CSGALNACT1: variants seen among roughly 807,000 people sequenced by gnomAD.
The protein encoded by CSGALNACT1 is chondroitin sulfate N-acetylgalactosaminyltransferase 1.
CSGALNACT1 carries 52 observed loss-of-function variants against 51.0 expected under a neutral mutation model. The ratio of observed to expected loss-of-function variants is 1.02; its 90% CI spans 0.82 to 1.29. The LOEUF (loss-of-function observed/expected upper bound fraction) is 1.29. Among genes scored for constraint, CSGALNACT1 ranks in the 50% most tolerant of loss-of-function variants. The pLI is 0.00. For synonymous variants in CSGALNACT1, 341 were observed against 254.4 expected, an observed-to-expected ratio of 1.34 and a Z score of -3.24; for missense variants, 935 against 679.2, an observed-to-expected ratio of 1.38 and a Z score of -4.19.
intron 2 of CSGALNACT1, 57 bp downstream of exon 2, chr8:19,601,714 T>G: frequency 2.4e-6 from 1 of 412,014 alleles, no homozygotes; most frequent in Non-Finnish European, 4.8e-6. Context: ...ATCCAGAATA[T>G]TGAACACAAA....
chr8:19,532,846 A>AC (rs1334728557), intron 3 of CSGALNACT1, among the ~76,000 whole-genome samples: 1 of 152,090 alleles, frequency 6.6e-6, no homozygotes, highest in Non-Finnish European at 1.5e-5. Context: ...GTTTACACAT[A>AC]CCCCACTTCT....
At chr8:19,428,855 GTGTGTGTGTGTGTGTGTGTGTATGCATGC>G (rs1328574725) in intron 6 of CSGALNACT1, among the ~76,000 whole-genome samples, 62 of 151,392 alleles carry the variant, frequency 4.1e-4, no homozygotes, top group African/African-American at 1.5e-3. Context: ...GTGTGTGTGT[GTGTGTGTGTGTGTGTGTGTGTATGCATGC>G]TGTGTATTTA....
chr8:19,742,548 CACG>C lies in CSGALNACT1; in HGVS notation c.-297+15299_-297+15301del, dbSNP rs1380174110. Among the ~76,000 whole-genome samples the C allele has an allele frequency of 7.9e-5, 12 of 152,354 alleles. 1 individual carries two copies. Among genetic ancestry groups the C allele is most frequent in the Admixed American group, 3.3e-4 (5 of 15,300 alleles). On this transcript the variant is annotated intron_variant, in intron 1 of 1. Coordinates refer to the CSGALNACT1 transcript ENST00000517494. ...GCCCAGCTGCAGCCAATGCATCCCC[CACG>C]ACAGCTGTTTGCTGCCCTCTCTGAC...
intron 3 of CSGALNACT1, among the ~76,000 whole-genome samples, chr8:19,561,828 G>A (rs2040792214): frequency 6.6e-6 from 1 of 152,198 alleles, no homozygotes; most frequent in Non-Finnish European, 1.5e-5. Context: ...ACAGGGAGAA[G>A]AGGAGAAGTC....
In CSGALNACT1 at chr8:19,733,885, C is replaced by A. The variant is rs142338287; in HGVS notation, c.-297+23965G>T. Among the ~76,000 whole-genome samples the A allele has an allele frequency of 3.0e-4, 46 of 152,178 alleles. No homozygotes were observed. The East Asian group carries it at 6.0e-3, about 20-fold the overall frequency. On this transcript the variant is annotated intron_variant, in intron 1 of 1. Transcript: ENST00000517494. ...TCCCTGAATACTGAAAAGGAAGGAA[C>A]AGCTTATCTCCAGCTTAGAATTCAT...
chr8:19,754,245 C>G (rs946335439), intron 1 of CSGALNACT1, among the ~76,000 whole-genome samples: 10 of 152,144 alleles, frequency 6.6e-5, no homozygotes, highest in Non-Finnish European at 1.3e-4. Context: ...CCAGGCTGGT[C>G]TCAAACTCCT....
At chr8:19,509,319 A>T (rs2077994809) in intron 3 of CSGALNACT1, among the ~76,000 whole-genome samples, 1 of 152,104 alleles carries the variant, frequency 6.6e-6, no homozygotes, top group African/African-American at 2.4e-5. Flanking sequence ...ACAAAACATC[A>T]TTCTTAAAAG....
intron 5 of CSGALNACT1, among the ~76,000 whole-genome samples, chr8:19,442,695 T>C (rs1586116456): frequency 7.0e-6 from 1 of 143,650 alleles, no homozygotes; most frequent in South Asian, 2.4e-4. Context: ...ATTGTGCACA[T>C]GTACCCTAAA....
In CSGALNACT1 at chr8:19,490,592, C is replaced by A. The variant is rs192641139; in HGVS notation, c.634+14609G>T. Among the ~76,000 whole-genome samples, 7 of 152,314 alleles carry A rather than the reference C, an allele frequency of 4.6e-5. No homozygotes were observed. The East Asian group carries it at 1.4e-3, about 29-fold the overall frequency. ...GAAACCACCTTTTCTGCAGAGCCAA[C>A]TGATAAATCCACACCAGCTTAGTGC... On this transcript the variant is annotated intron_variant, in intron 4 of 9. Coordinates refer to ENST00000454498, the Ensembl canonical transcript of CSGALNACT1.
chr8:19,623,467 T>C (rs2054079124), intron 1 of CSGALNACT1, among the ~76,000 whole-genome samples: 1 of 152,218 alleles, frequency 6.6e-6, no homozygotes, highest in Non-Finnish European at 1.5e-5. Context: ...AAATATCCTG[T>C]CACATTTTTT....
chr8:19,534,453 G>C (rs1744834183), intron 3 of CSGALNACT1, among the ~76,000 whole-genome samples: 2 of 149,396 alleles, frequency 1.3e-5, no homozygotes, highest in African/African-American at 4.9e-5. Flanking sequence ...TCCATCTCAA[G>C]AAAAAAAAAA....
Position 19,549,477 on chromosome 8 carries a change from G to C in CSGALNACT1, c.-297+41683C>G, listed in dbSNP as rs139327625. On this transcript the variant is annotated intron_variant, in intron 3 of 9. Transcript: ENST00000454498. ...AGAAAACTGATAGATAAACAATTAG[G>C]TACTTTTTCCAATTTCTTTTGTTTT... Among the ~76,000 whole-genome samples, 1,001 of 151,978 alleles carry C rather than the reference G, an allele frequency of 6.6e-3. 13 individuals are homozygous for C. The highest frequency in any genetic ancestry group is 0.023 in the African/African-American group (952 of 41,456).
chr8:19,620,292 G>A (rs530079975), intron 1 of CSGALNACT1, among the ~76,000 whole-genome samples: 1 of 137,644 alleles, frequency 7.3e-6, no homozygotes, highest in African/African-American at 2.8e-5. Flanking sequence ...TCCAGCCTGG[G>A]CAACAGAGTG....
At chr8:19,437,609 A>C (rs962759841) in intron 6 of CSGALNACT1, among the ~76,000 whole-genome samples, 2 of 152,224 alleles carry the variant, frequency 1.3e-5, no homozygotes, top group Non-Finnish European at 2.9e-5. Flanking sequence ...ATCAACACCA[A>C]AAAATTATTT....
At chr8:19,414,083 G>A (rs1054027237) in intron 8 of CSGALNACT1, among the ~76,000 whole-genome samples, 3 of 152,142 alleles carry the variant, frequency 2.0e-5, no homozygotes, top group Non-Finnish European at 4.4e-5. Flanking sequence ...ACGTCATGCT[G>A]GTAGCCTGAA....
At chr8:19,722,707 C>T (rs1055042306) in intron 1 of CSGALNACT1, among the ~76,000 whole-genome samples, 5 of 152,214 alleles carry the variant, frequency 3.3e-5, no homozygotes, top group African/African-American at 2.4e-5. Context: ...TGCACTCTCA[C>T]CGAGGGCAGG....
At chr8:19,630,098 G>A (rs573906724) in intron 1 of CSGALNACT1, among the ~76,000 whole-genome samples, 21 of 152,012 alleles carry the variant, frequency 1.4e-4, no homozygotes, top group African/African-American at 3.4e-4. Flanking sequence ...AGGCCAACAC[G>A]GGCCGAATGA....
At chr8:19,650,440 C>A (rs1176592845) in intron 1 of CSGALNACT1, among the ~76,000 whole-genome samples, 1 of 152,184 alleles carries the variant, frequency 6.6e-6, no homozygotes, top group East Asian at 1.9e-4. Context: ...AATGAGAGAA[C>A]ACCTAGTAAT....
At chr8:19,478,429 A>G (rs2070406297) in intron 4 of CSGALNACT1, among the ~76,000 whole-genome samples, 1 of 151,610 alleles carries the variant, frequency 6.6e-6, no homozygotes, top group Non-Finnish European at 1.5e-5. Context: ...AAAAAAAAAA[A>G]AAAAAAAAAG....
Sources: gnomAD v4.1 joint callset for allele counts (sites outside exome capture counted in the v4.1 genomes callset) on GRCh38, gnomAD v4.1.1 for gene constraint, MANE v1.5 for transcripts, NCBI Gene and HGNC (gene_info 2026-07-23, HGNC 2026-07-21) for gene names.